The following NCALD variants were observed in gnomAD, a reference collection of about 807,000 sequenced individuals.
The protein encoded by NCALD is neurocalcin delta.
A neutral mutation model predicts 18.6 loss-of-function variants in NCALD; 10 were observed. The ratio of observed to expected loss-of-function variants is 0.54; its 90% confidence interval spans 0.33 to 0.91. The LOEUF is 0.91. Among genes scored for constraint, NCALD ranks in the 40% least tolerant of loss-of-function variants. The probability of loss-of-function intolerance (pLI) is 0.03; values close to 1 mark genes in which losing one functional copy is unlikely to be tolerated. For missense variants in NCALD, 184 were observed against 247.6 expected (o/e 0.74, Z 1.72); for synonymous variants, 88 against 87.4 (o/e 1.01, Z -0.04).
At chr8:101,710,087 T>C (rs149059585) in intron 2 of NCALD, among the ~76,000 whole-genome samples, 9 of 152,234 alleles carry the variant, frequency 5.9e-5, no homozygotes, top group African/African-American at 9.6e-5. Context: ...GTTCATCTCA[T>C]TGGGACTGGT....
chr8:101,893,915 G>A (rs1278764248), intron 3 of NCALD, among the ~76,000 whole-genome samples: 1 of 146,554 alleles, frequency 6.8e-6, no homozygotes, highest in Admixed American at 6.7e-5. Context: ...ATTAATAATG[G>A]TAGACTTTAA....
intron 4 of NCALD, among the ~76,000 whole-genome samples, chr8:101,885,585 G>A (rs1816647380): frequency 1.3e-5 from 2 of 152,288 alleles, no homozygotes; most frequent in South Asian, 4.1e-4. Context: ...TTTGGGTCTG[G>A]CAGATGCTGC....
intron 2 of NCALD, among the ~76,000 whole-genome samples, chr8:101,970,472 T>C (rs77368949): frequency 0.019 from 2,955 of 152,288 alleles, 31 homozygotes; most frequent in South Asian, 0.03. Context: ...GAATTTTTTG[T>C]AGAATTTTTG....
chr8:101,713,505 A>G (rs1815913613), intron 2 of NCALD, among the ~76,000 whole-genome samples: 3 of 152,032 alleles, frequency 2.0e-5, no homozygotes, highest in Admixed American at 2.0e-4. Context: ...TTTTTTTTGA[A>G]AAGATTAACA....
At chr8:101,723,509 T>A (rs1816452479) in intron 1 of NCALD, among the ~76,000 whole-genome samples, 1 of 152,206 alleles carries the variant, frequency 6.6e-6, no homozygotes, top group Non-Finnish European at 1.5e-5. Context: ...TATCAATCCA[T>A]TCTGTATATT....
At chr8:102,119,528 C>T (rs927038961) in intron 1 of NCALD, among the ~76,000 whole-genome samples, 1 of 152,158 alleles carries the variant, frequency 6.6e-6, no homozygotes, top group Non-Finnish European at 1.5e-5. Context: ...TATTTAAAGC[C>T]ACTGAACTGT....
intron 4 of NCALD, among the ~76,000 whole-genome samples, chr8:101,818,832 C>A (rs901205924): frequency 6.6e-6 from 1 of 151,954 alleles, no homozygotes; most frequent in Admixed American, 6.6e-5. Context: ...TGGTGAAACC[C>A]CATCTCTACT....
chr8:101,828,260 C>A (rs548453002), intron 4 of NCALD, among the ~76,000 whole-genome samples: 7 of 152,188 alleles, frequency 4.6e-5, no homozygotes, highest in Non-Finnish European at 1.0e-4. Flanking sequence ...TCCCATCTCA[C>A]GTGGAATGAA....
At chr8:101,877,830 G>T (rs1816292676) in intron 4 of NCALD, among the ~76,000 whole-genome samples, 2 of 152,158 alleles carry the variant, frequency 1.3e-5, no homozygotes, top group South Asian at 4.1e-4. Context: ...GGGAAGAGCT[G>T]TTTGAACACC....
In NCALD at chr8:101,689,738, G is replaced by A. The variant is rs533411830; in HGVS notation, c.485-332C>T. Among the ~76,000 whole-genome samples the A allele has an allele frequency of 2.0e-5, 3 of 152,314 alleles. No individual in the cohort carries two copies. The highest frequency in any genetic ancestry group is 6.5e-5 in the Admixed American group (1 of 15,302). On this transcript the variant is annotated intron_variant, in intron 3 of 3. Coordinates refer to ENST00000220931, the MANE Select transcript of NCALD (RefSeq NM_032041.3). The surrounding 1 kb of genome is among the most constrained non-coding windows in gnomAD (Gnocchi z 4.4). ...TTGGTCCCTGACCTCCTGGCTCCAG[G>A]CGCCCTGGAGAGGCTCACTCAGCAT...
chr8:101,960,340 A>C (rs1819791534), intron 2 of NCALD, among the ~76,000 whole-genome samples: 1 of 152,184 alleles, frequency 6.6e-6, no homozygotes, highest in Non-Finnish European at 1.5e-5. Flanking sequence ...TCGGTAGAGT[A>C]GGATGCAGTG....
chr8:102,122,189 G>C (rs1825962987), intron 1 of NCALD, among the ~76,000 whole-genome samples: 1 of 152,242 alleles, frequency 6.6e-6, no homozygotes, highest in African/African-American at 2.4e-5. Context: ...GAATGCATAG[G>C]AGTTGACCAG....
chr8:101,934,470 A>G (rs976777635), intron 2 of NCALD, among the ~76,000 whole-genome samples: 2 of 152,060 alleles, frequency 1.3e-5, no homozygotes, highest in Non-Finnish European at 2.9e-5. Context: ...CCTGGAGGAG[A>G]GTAAGGGTTA....
rs553812685 is a variant in NCALD at position 101,715,334 on chromosome 8, T to G, written c.378+3918A>C. Among the ~76,000 whole-genome samples the G allele has an allele frequency of 3.6e-3, 545 of 152,284 alleles. 5 individuals carry two copies. The highest frequency in any genetic ancestry group is 0.013 in the African/African-American group (522 of 41,566). ...ACCTTATACAAAAATTAACTCCAGA[T>G]GGATTAAAGATTTAAACATAAAACC... On this transcript the variant is annotated intron_variant, in intron 2 of 3. Coordinates refer to ENST00000220931, the MANE Select transcript of NCALD (RefSeq NM_032041.3).
At chr8:101,924,548 AC>A (rs1818273973) in intron 2 of NCALD, among the ~76,000 whole-genome samples, 1 of 152,218 alleles carries the variant, frequency 6.6e-6, no homozygotes, top group Non-Finnish European at 1.5e-5. Flanking sequence ...CCAAATCATA[AC>A]TAAACTGGAA....
intron 4 of NCALD, among the ~76,000 whole-genome samples, chr8:101,813,589 C>T (rs1813389077): frequency 6.6e-6 from 1 of 152,086 alleles, no homozygotes. Flanking sequence ...CTAAAGGTAA[C>T]ACATACTCAT....
chr8:101,932,787 C>T (rs2131712736), intron 2 of NCALD, among the ~76,000 whole-genome samples: 1 of 152,288 alleles, frequency 6.6e-6, no homozygotes, highest in South Asian at 2.1e-4. Flanking sequence ...CCTGAGCACA[C>T]TGTAATAAAA....
At chr8:101,741,577 C>G (rs1416748821) in intron 1 of NCALD, among the ~76,000 whole-genome samples, 1 of 151,710 alleles carries the variant, frequency 6.6e-6, no homozygotes, top group Non-Finnish European at 1.5e-5. Context: ...ATGCTTACTC[C>G]TATAATCAAA....
At chr8:102,021,907 T>C (rs186182110) in intron 1 of NCALD, among the ~76,000 whole-genome samples, 72 of 152,246 alleles carry the variant, frequency 4.7e-4, no homozygotes, top group Admixed American at 3.1e-3. Flanking sequence ...TCTGGGAACA[T>C]GAGGAGGAAA....
Sources: allele counts gnomAD v4.1 joint callset (sites outside exome capture counted in the v4.1 genomes callset), GRCh38; gene constraint gnomAD v4.1.1; non-coding constraint Gnocchi (gnomAD v3.1); transcripts MANE v1.5; gene names NCBI Gene and HGNC (gene_info 2026-07-23, HGNC 2026-07-21).